The following EYS variants were observed in gnomAD, a reference collection of about 807,000 sequenced individuals.
EYS encodes the protein EGF-like photoreceptor maintenance factor, also known as protein eyes shut homolog.
In EYS, 250 loss-of-function variants were observed where a neutral mutation model predicts 282.1. The observed-to-expected ratio is 0.89, with a 90% confidence interval of 0.80 to 0.98. EYS has a LOEUF of 0.98. EYS is among the 50% of genes least tolerant of loss of function. EYS has a pLI of 0.00. For missense variants in EYS, 4,016 were observed against 3,709.0 expected (o/e 1.08, Z -2.15); for synonymous variants, 1,355 against 1,282.9 (o/e 1.06, Z -1.20).
chr6:64,043,065 T>C lies in EYS; in HGVS notation c.6725+23273A>G, dbSNP rs532789142. On this transcript the variant is annotated intron_variant, in intron 33 of 42. Coordinates refer to ENST00000503581, the MANE Select transcript of EYS (RefSeq NM_001142800.2). ...TAGTATTTTTCTTATAGAGTTGTTATGATGATTAAATGTTAATCATCTTAA... is the reference window on the plus strand; with the variant it reads ...TAGTATTTTTCTTATAGAGTTGTTACGATGATTAAATGTTAATCATCTTAA... 1.4e-3 allele frequency among the ~76,000 whole-genome samples: 207 copies of C among 152,340 alleles called. 1 individual carries two copies. The highest frequency in any genetic ancestry group is 4.4e-3 in the African/African-American group (182 of 41,592).
intron 15 of EYS, among the ~76,000 whole-genome samples, chr6:64,935,253 A>C (rs561043793): frequency 6.6e-6 from 1 of 151,786 alleles, no homozygotes; most frequent in South Asian, 2.1e-4. Flanking sequence ...AGAAGAAGAC[A>C]TATAGAAAAC....
intron 12 of EYS, among the ~76,000 whole-genome samples, chr6:65,270,550 G>C (rs1285687732): frequency 6.6e-6 from 1 of 152,030 alleles, no homozygotes; most frequent in African/African-American, 2.4e-5. Context: ...ATATGGATAG[G>C]CTGAGAATTT....
At chr6:65,028,113 A>C (rs1390785532) in intron 13 of EYS, among the ~76,000 whole-genome samples, 3 of 152,058 alleles carry the variant, frequency 2.0e-5, no homozygotes, top group Non-Finnish European at 4.4e-5. Flanking sequence ...TCTTACTAAG[A>C]GGTGTGCAGT....
chr6:64,503,425 T>C (rs1777114846), intron 26 of EYS, among the ~76,000 whole-genome samples: 1 of 152,188 alleles, frequency 6.6e-6, no homozygotes, highest in African/African-American at 2.4e-5. Flanking sequence ...TGATGATGCT[T>C]TTTGAGAAAA....
intron 31 of EYS, among the ~76,000 whole-genome samples, chr6:64,089,508 T>C (rs1772280060): frequency 6.7e-6 from 1 of 149,728 alleles, no homozygotes; most frequent in African/African-American, 2.4e-5. Flanking sequence ...TATAATACTG[T>C]ATATCCTATA....
At position 63,788,129 on chromosome 6, in the gene EYS, C is replaced by T. The variant is rs1208734040; in HGVS notation, c.7699G>A (p.Ala2567Thr). ...EYTPDLLPNGADFKNGFQGCI... is the reference protein window; with the variant it reads ...EYTPDLLPNGTDFKNGFQGCI... ...CCTTGAAAACCATTTTTAAAATCTG[C>T]TCCATTTGGTAAGAGATCTGGAGTG... Residue 2567 changes from alanine (A) to threonine (T), a missense_variant, in exon 39 of 43, where the codon GCA (alanine) becomes ACA (threonine). Transcript: ENST00000503581. The T allele has an allele frequency of 1.0e-5, 16 of 1,541,780 alleles. No homozygotes were observed. Among genetic ancestry groups the T allele is most frequent in the East Asian group, 2.5e-5 (1 of 40,616 alleles).
chr6:64,404,101 A>T (rs1773626010), intron 28 of EYS, among the ~76,000 whole-genome samples: 1 of 152,178 alleles, frequency 6.6e-6, no homozygotes, highest in Non-Finnish European at 1.5e-5. Context: ...TAGTCAGATT[A>T]GTCACATAAT....
chr6:64,351,938 A>G (rs1423196063), intron 29 of EYS, among the ~76,000 whole-genome samples: 1 of 151,630 alleles, frequency 6.6e-6, no homozygotes, highest in African/African-American at 2.4e-5. Flanking sequence ...GAAATAATAC[A>G]TTCCTGTGAG....
intron 35 of EYS, among the ~76,000 whole-genome samples, chr6:63,981,319 T>G (rs1208780222): frequency 6.6e-6 from 1 of 151,820 alleles, no homozygotes; most frequent in Admixed American, 6.6e-5. Flanking sequence ...CTCTGTTTTC[T>G]TGTATTAAAC....
At chr6:65,476,154 G>A (rs1042013291) in intron 5 of EYS, among the ~76,000 whole-genome samples, 1 of 152,082 alleles carries the variant, frequency 6.6e-6, no homozygotes, top group African/African-American at 2.4e-5. Context: ...CTCCTGAAGT[G>A]AAACCTTGGG....
At chr6:65,450,303 T>C (rs1316294958) in intron 5 of EYS, among the ~76,000 whole-genome samples, 1 of 152,164 alleles carries the variant, frequency 6.6e-6, no homozygotes, top group East Asian at 1.9e-4. Context: ...TATGAATAAA[T>C]GTAACTTTAT....
chr6:64,195,406 G>T (rs890267915), intron 31 of EYS, among the ~76,000 whole-genome samples: 1 of 152,124 alleles, frequency 6.6e-6, no homozygotes, highest in Non-Finnish European at 1.5e-5. Flanking sequence ...AAGTTCAAGT[G>T]ATTCTCCTGC....
intron 2 of EYS, among the ~76,000 whole-genome samples, chr6:65,613,616 G>A (rs1247786626): frequency 2.0e-5 from 3 of 151,774 alleles, no homozygotes; most frequent in Admixed American, 1.3e-4. Context: ...ACAAGTAAAT[G>A]GGTTTACATG....
intron 12 of EYS, among the ~76,000 whole-genome samples, chr6:65,257,601 G>A (rs1412987724): frequency 6.6e-6 from 1 of 151,014 alleles, no homozygotes; most frequent in Non-Finnish European, 1.5e-5. Context: ...CGTTATTTCT[G>A]AGGGCTCTGT....
At chr6:63,874,202 T>TAGCCTTATGTAAGGAATCC (rs1772898321) in intron 35 of EYS, among the ~76,000 whole-genome samples, 8 of 152,248 alleles carry the variant, frequency 5.3e-5, no homozygotes, top group South Asian at 4.1e-4. Flanking sequence ...CAATTTCAGC[T>TAGCCTTATGTAAGGAATCC]TTCTACATAT....
chr6:63,788,385 T>C (rs900345575), intron 38 of EYS, 136 bp from the exon 39 acceptor site: 13 of 648,940 alleles, frequency 2.0e-5, no homozygotes, highest in Admixed American at 3.3e-5. Context: ...AATAACATGA[T>C]ACCACTCAAT....
At chr6:65,244,974 G>T (rs1767145186) in intron 12 of EYS, among the ~76,000 whole-genome samples, 1 of 152,074 alleles carries the variant, frequency 6.6e-6, no homozygotes. Context: ...CACTATTTTA[G>T]CACAAAGTTA....
At chr6:64,204,813 G>A (rs1032065399) in intron 31 of EYS, among the ~76,000 whole-genome samples, 26 of 152,202 alleles carry the variant, frequency 1.7e-4, no homozygotes, top group African/African-American at 6.0e-4. Context: ...GTACATCAAA[G>A]AATTGAATAT....
At chr6:64,249,866 T>G (rs538604147) in intron 30 of EYS, among the ~76,000 whole-genome samples, 1 of 152,162 alleles carries the variant, frequency 6.6e-6, no homozygotes, top group South Asian at 2.1e-4. Flanking sequence ...CCAAACACAA[T>G]TGGAAGTCAG....
Sources: gnomAD v4.1 joint callset for allele counts (sites outside exome capture counted in the v4.1 genomes callset) on GRCh38, gnomAD v4.1.1 for gene constraint, MANE v1.5 for transcripts, NCBI Gene and HGNC (gene_info 2026-07-23, HGNC 2026-07-21) for gene names.